The following CEP55 variants were observed in gnomAD, a reference collection of about 807,000 sequenced individuals.
The protein encoded by CEP55 is centrosomal protein of 55 kDa.
In CEP55, 57 loss-of-function variants were observed where a neutral mutation model predicts 63.2. The observed-to-expected ratio is 0.90, with a 90% confidence interval of 0.73 to 1.13. The LOEUF is 1.13. Ranked by LOEUF, CEP55 falls within the 50% of genes most tolerant of loss-of-function variation. The pLI, the probability that CEP55 is intolerant of heterozygous loss-of-function variation, is 0.00. For missense variants in CEP55, 456 were observed against 518.9 expected (o/e 0.88, Z 1.18); for synonymous variants, 178 against 191.6 (o/e 0.93, Z 0.59).
In CEP55 at chr10:93,528,251, C is replaced by T; in HGVS notation, c.*98C>T. On this transcript the variant is annotated 3_prime_UTR_variant, in exon 9 of 9. Transcript: ENST00000371485. ...TATATATTTCACATTTTGCATAAAA[C>T]TGCCTATCTACCTTTGACACTCCAG... 1 of 1,018,470 alleles carries T rather than the reference C, an allele frequency of 9.8e-7. No individual in the cohort carries two copies. The highest frequency in any genetic ancestry group is 1.5e-6 in the Non-Finnish European group (1 of 676,552). 63.1% of individuals were successfully genotyped at this position (1,018,470 alleles called of 1,614,324 possible).
chr10:93,518,846 T>C (rs1047014200), intron 6 of CEP55, 31 bp from the exon 7 acceptor site: 1 of 1,521,696 alleles, frequency 6.6e-7, no homozygotes, highest in Non-Finnish European at 9.0e-7. Flanking sequence ...AGGTTGGATG[T>C]GACAGCATTG....
chr10:93,504,472 CAAA>C (rs113435584), intron 3 of CEP55, among the ~76,000 whole-genome samples: 1 of 146,062 alleles, frequency 6.8e-6, no homozygotes, highest in Non-Finnish European at 1.5e-5. Flanking sequence ...GCCTCTGTCT[CAAA>C]AAAAAAAAAA....
intron 8 of CEP55, among the ~76,000 whole-genome samples, chr10:93,524,505 G>C (rs1298493359): frequency 9.2e-5 from 14 of 152,184 alleles, no homozygotes; most frequent in Admixed American, 6.5e-4. Context: ...AATTCTACCA[G>C]AGGTACAAGG....
intron 1 of CEP55, among the ~76,000 whole-genome samples, chr10:93,498,799 G>A (rs1485030166): frequency 1.4e-5 from 2 of 145,870 alleles, no homozygotes; most frequent in Admixed American, 7.0e-5. Context: ...CATAACATTA[G>A]GGAACATGTC....
intron 8 of CEP55, among the ~76,000 whole-genome samples, chr10:93,526,103 A>G (rs1179979696): frequency 2.0e-5 from 3 of 152,078 alleles, no homozygotes; most frequent in Admixed American, 1.3e-4. Flanking sequence ...TAATTAAACT[A>G]AAGAGCTTCT....
chr10:93,516,012 T>A (rs564385917), intron 5 of CEP55, among the ~76,000 whole-genome samples: 1 of 152,334 alleles, frequency 6.6e-6, no homozygotes, highest in Non-Finnish European at 1.5e-5. Context: ...CGATGCTGTC[T>A]TTTTGCCAAG....
At chr10:93,509,468 C>CATTATTATTATTATTATTATTATT (rs10606106) in intron 4 of CEP55, among the ~76,000 whole-genome samples, 3 of 147,212 alleles carry the variant, frequency 2.0e-5, no homozygotes, top group Non-Finnish European at 3.0e-5. Flanking sequence ...GAACCATTAA[C>CATTATTATTATTATTATTATTATT]ATTATTATTA....
chr10:93,511,042 G>A (rs1038504068), intron 4 of CEP55, among the ~76,000 whole-genome samples: 4 of 150,958 alleles, frequency 2.6e-5, no homozygotes, highest in Admixed American at 2.0e-4. Context: ...TGGTTCAAGC[G>A]ATTCTTCTGC....
intron 5 of CEP55, 72 bp downstream of exon 5, chr10:93,515,627 T>C: frequency 7.2e-7 from 1 of 1,384,210 alleles, no homozygotes; most frequent in Non-Finnish European, 9.8e-7. Context: ...TCATCAAATT[T>C]AGATTTTTAT....
intron 4 of CEP55, among the ~76,000 whole-genome samples, chr10:93,512,087 C>T (rs1045788695): frequency 5.3e-5 from 8 of 151,072 alleles, no homozygotes; most frequent in African/African-American, 1.5e-4. Context: ...AAAAGCTGGG[C>T]GTGGTGGTAC....
chr10:93,503,950 AC>A (rs1379572440), intron 3 of CEP55, among the ~76,000 whole-genome samples: 4 of 149,536 alleles, frequency 2.7e-5, no homozygotes, highest in African/African-American at 9.8e-5. Flanking sequence ...ACTTCTCCAG[AC>A]CCCTGTTCTA....
Position 93,518,922 on chromosome 10 carries a change from A to T in CEP55, c.1039A>T (p.Thr347Ser). ...TSLLKQQEEQ[T>S]RVALLEQQMQ... is the part of the protein sequence containing the mutation. ...TCTGCTAAAGCAGCAAGAAGAACAAACAAGGGTAGCTCTGTTGGAACAACA... is the reference window on the plus strand; with the variant it reads ...TCTGCTAAAGCAGCAAGAAGAACAATCAAGGGTAGCTCTGTTGGAACAACA... Residue 347 changes from threonine to serine, a missense_variant, in exon 7 of 9, where the codon ACA becomes TCA. By Grantham distance (58) the Thr-to-Ser change is moderately conservative. Coordinates refer to ENST00000371485, the MANE Select transcript of CEP55 (RefSeq NM_018131.5). The T allele has an allele frequency of 6.2e-7, 1 of 1,613,146 alleles. No homozygotes were observed. Among genetic ancestry groups the T allele is most frequent in the Non-Finnish European group, 8.5e-7 (1 of 1,179,114 alleles).
Position 93,503,225 on chromosome 10 carries a change from C to A in CEP55, c.296C>A (p.Thr99Lys), listed in dbSNP as rs769723465. Residue 99 changes from threonine (T) to lysine (K), a missense_variant, in exon 3 of 9, where the codon ACA (threonine) becomes AAA (lysine). By Grantham distance (78) the Thr-to-Lys change is moderately conservative. Transcript: ENST00000371485. ...CTGAAGGCCAGATATAGTACTACCA[C>A]ATTGCTTGAACAGCTGGAAGAGACA... ...DQLKARYSTT[T>K]LLEQLEETTR... is the part of the protein sequence containing the mutation. The A allele has an allele frequency of 1.4e-5, 22 of 1,613,804 alleles. No individual in the cohort carries two copies. In the South Asian group the frequency reaches 2.3e-4, roughly 17 times the overall value.
chr10:93,515,090 G>A (rs887758308), intron 4 of CEP55, among the ~76,000 whole-genome samples: 30 of 152,228 alleles, frequency 2.0e-4, no homozygotes, highest in Non-Finnish European at 4.4e-5. Flanking sequence ...CAGGGCTCTT[G>A]AAGGGGGATT....
intron 5 of CEP55, among the ~76,000 whole-genome samples, 157 bp downstream of exon 5, chr10:93,515,712 A>G (rs2057797611): frequency 6.6e-6 from 1 of 152,178 alleles, no homozygotes. Flanking sequence ...TGCAAGTTTT[A>G]TTTCCTAACG....
Position 93,518,894 on chromosome 10 carries a change from A to G in CEP55, c.1011A>G (p.Thr337=). Residue 337 remains threonine, a synonymous_variant, in exon 7 of 9, where the codon ACA becomes ACG. Transcript: ENST00000371485. ...TCCTACAGGTCCAGTTTCTTTACACATCTCTGCTAAAGCAGCAAGAAGAAC... is the reference window on the plus strand; with the variant it reads ...TCCTACAGGTCCAGTTTCTTTACACGTCTCTGCTAAAGCAGCAAGAAGAAC... The part of the protein sequence containing the change: ...ELLSQVQFLY[T]SLLKQQEEQT... 1 of 1,610,856 alleles carries G rather than the reference A, an allele frequency of 6.2e-7. No individual in the cohort carries two copies. Among genetic ancestry groups the G allele is most frequent in the Non-Finnish European group, 8.5e-7 (1 of 1,177,420 alleles).
At chr10:93,516,155 A>G (rs1360855667) in intron 5 of CEP55, among the ~76,000 whole-genome samples, 5 of 152,216 alleles carry the variant, frequency 3.3e-5, no homozygotes, top group Admixed American at 1.3e-4. Context: ...CAAGCTAAGA[A>G]AAGAAAAATG....
rs892359395 is a variant in CEP55 at position 93,514,768 on chromosome 10, C to CT, written c.529-629dup. On this transcript the variant is annotated intron_variant, in intron 4 of 8. Transcript: ENST00000371485. The stretch of plus-strand genomic sequence containing the variant: ...CACCATGCAGCTGGGCAGAGATCCT[C>CT]TTTTTTTTGTTTGTTTTTTTGAGAG... 1.1e-4 allele frequency among the ~76,000 whole-genome samples: 17 copies of CT among 152,100 alleles called. No homozygotes were observed. In the East Asian group the frequency reaches 1.9e-3, roughly 17 times the overall value.
intron 7 of CEP55, chr10:93,519,225 C>T: frequency 4.5e-6 from 2 of 440,774 alleles, no homozygotes; most frequent in Non-Finnish European, 8.2e-6. Flanking sequence ...TGCTCTTCCC[C>T]AGTGGCTGTA....
Sources: allele counts gnomAD v4.1 joint callset (sites outside exome capture counted in the v4.1 genomes callset), GRCh38; gene constraint gnomAD v4.1.1; transcripts MANE v1.5; gene names NCBI Gene and HGNC (gene_info 2026-07-23, HGNC 2026-07-21).